The following GTF2B variants were observed in gnomAD, a reference collection of about 807,000 sequenced individuals.
GTF2B encodes general transcription factor IIB.
GTF2B carries 20 observed loss-of-function variants against 34.6 expected under a neutral mutation model. The observed-to-expected ratio is 0.58, with a 90% CI of 0.41 to 0.84. GTF2B has a LOEUF of 0.84. Among genes scored for constraint, GTF2B ranks in the 40% least tolerant of loss-of-function variants. The pLI, the probability that GTF2B is intolerant of heterozygous loss-of-function variation, is 0.00. For synonymous variants in GTF2B, 142 were observed against 132.4 expected (o/e 1.07, Z -0.50); for missense variants, 237 against 393.3 (o/e 0.60, Z 3.36).
At chr1:88,870,896 CTTTTTTTTTTTT>C (rs1022965980) in intron 2 of GTF2B, among the ~76,000 whole-genome samples, 10 of 109,198 alleles carry the variant, frequency 9.2e-5, no homozygotes, top group Non-Finnish European at 1.2e-4. Flanking sequence ...CTTACACAGT[CTTTTTTTTTTTT>C]TTTTTTTTTT....
intron 2 of GTF2B, among the ~76,000 whole-genome samples, chr1:88,873,177 A>C (rs66926292): frequency 0.11 from 16,635 of 145,820 alleles, 2,322 homozygotes; most frequent in African/African-American, 0.33. Flanking sequence ...ACAGGATTCC[A>C]TTAAGTTTTT....
intron 2 of GTF2B, among the ~76,000 whole-genome samples, chr1:88,867,956 C>T (rs943008385): frequency 1.3e-5 from 2 of 152,166 alleles, no homozygotes; most frequent in African/African-American, 4.8e-5. Context: ...TTATATTTAA[C>T]TACTCAAAAG....
chr1:88,887,558 G>T, intron 1 of GTF2B, 191 bp from the exon 2 acceptor site: 1 of 506,736 alleles, frequency 2.0e-6, no homozygotes, highest in Non-Finnish European at 3.6e-6. Context: ...TAACTGGCAA[G>T]TAGTTTCCAC....
At chr1:88,885,905 A>G (rs1445299790) in intron 2 of GTF2B, among the ~76,000 whole-genome samples, 1 of 152,192 alleles carries the variant, frequency 6.6e-6, no homozygotes, top group Non-Finnish European at 1.5e-5. Flanking sequence ...ACCCCAGATT[A>G]AAATTTTATT....
rs1673226070 is a variant in GTF2B, at chr1:88,853,028, A to C, written c.*185T>G. On this transcript the variant is annotated 3_prime_UTR_variant, in exon 7 of 7. Transcript: ENST00000370500. Reference sequence around the variant, plus strand: ...TTGCTACAAAAGAAATTTGATAAGAAATTTAAATCATTAAATATGTTTCAC... The same window carrying C: ...TTGCTACAAAAGAAATTTGATAAGACATTTAAATCATTAAATATGTTTCAC... The C allele has an allele frequency of 1.9e-6, 1 of 517,880 alleles. No individual in the cohort carries two copies. The highest frequency in any genetic ancestry group is 3.4e-6 in the Non-Finnish European group (1 of 293,044). 32.1% of individuals were successfully genotyped at this position (517,880 alleles called of 1,614,324 possible).
intron 2 of GTF2B, among the ~76,000 whole-genome samples, chr1:88,885,709 C>A (rs1674051235): frequency 6.6e-6 from 1 of 152,142 alleles, no homozygotes; most frequent in Non-Finnish European, 1.5e-5. Flanking sequence ...GAGATCACGC[C>A]ATTGCACTCC....
At chr1:88,855,317 T>C (rs566600751) in intron 6 of GTF2B, among the ~76,000 whole-genome samples, 2 of 152,106 alleles carry the variant, frequency 1.3e-5, no homozygotes, top group South Asian at 4.1e-4. Flanking sequence ...GTGAATAAAG[T>C]ATTACAAAGT....
At chr1:88,884,707 G>T (rs902872351) in intron 2 of GTF2B, among the ~76,000 whole-genome samples, 17 of 152,116 alleles carry the variant, frequency 1.1e-4, no homozygotes, top group Non-Finnish European at 2.5e-4. Context: ...TCTGACCATT[G>T]TTTTCCTGAG....
At chr1:88,865,935 G>C (rs539578019) in intron 2 of GTF2B, among the ~76,000 whole-genome samples, 1 of 152,206 alleles carries the variant, frequency 6.6e-6, no homozygotes, top group African/African-American at 2.4e-5. Flanking sequence ...TATTTGATCA[G>C]GAGGACAGCA....
At chr1:88,883,577 T>C (rs992984635) in intron 2 of GTF2B, among the ~76,000 whole-genome samples, 2 of 151,392 alleles carry the variant, frequency 1.3e-5, no homozygotes, top group Non-Finnish European at 2.9e-5. Context: ...GCCAGGGTCC[T>C]GCTTGAGCCC....
intron 2 of GTF2B, among the ~76,000 whole-genome samples, chr1:88,884,991 G>A (rs1047245632): frequency 1.3e-5 from 2 of 152,322 alleles, no homozygotes; most frequent in East Asian, 3.9e-4. Context: ...TGTTATAACT[G>A]CATCACTGCA....
chr1:88,872,455 T>TAAAAAAAAAAAAAAAAAAA (rs34668666), intron 2 of GTF2B, among the ~76,000 whole-genome samples: 1 of 74,860 alleles, frequency 1.3e-5, no homozygotes, highest in Admixed American at 2.1e-4. Context: ...TCCATCTCAA[T>TAAAAAAAAAAAAAAAAAAA]AAAAAAAAAA....
At chr1:88,862,806 C>A (rs1369525402) in intron 3 of GTF2B, among the ~76,000 whole-genome samples, 2 of 151,880 alleles carry the variant, frequency 1.3e-5, no homozygotes, top group Admixed American at 1.3e-4. Context: ...TCATGCCCAG[C>A]TACTTTTTGT....
intron 2 of GTF2B, among the ~76,000 whole-genome samples, chr1:88,879,413 T>C (rs1178652796): frequency 6.6e-6 from 1 of 151,664 alleles, no homozygotes; most frequent in East Asian, 1.9e-4. Context: ...ACCCCGTCTC[T>C]ACTAAAAATA....
At chr1:88,856,291 C>G (rs2810880) in intron 6 of GTF2B, among the ~76,000 whole-genome samples, 49 of 86,136 alleles carry the variant, frequency 5.7e-4, no homozygotes, top group Admixed American at 7.3e-4. Context: ...AAAAAAAAAA[C>G]AAAAAAAAAA....
chr1:88,876,793 T>C lies in GTF2B; in HGVS notation c.124+10468A>G, dbSNP rs561282124. Among the ~76,000 whole-genome samples the C allele has an allele frequency of 3.0e-4, 45 of 152,318 alleles. 2 individuals are homozygous for C. The South Asian group carries it at 9.3e-3, about 32-fold the overall frequency. Reference sequence around the variant, plus strand: ...AATTCTGAGATGTATCTGTCTTTCATGGGTGAGGAAAAAAGATTTTACAGA... The same window carrying C: ...AATTCTGAGATGTATCTGTCTTTCACGGGTGAGGAAAAAAGATTTTACAGA... On this transcript the variant is annotated intron_variant, in intron 2 of 6. Coordinates refer to ENST00000370500, the MANE Select transcript of GTF2B (RefSeq NM_001514.6).
chr1:88,854,717 A>G (rs1052169214), intron 6 of GTF2B, among the ~76,000 whole-genome samples: 1 of 152,154 alleles, frequency 6.6e-6, no homozygotes, highest in Non-Finnish European at 1.5e-5. Flanking sequence ...GCTGGTCTCA[A>G]ACTCCTCACC....
Position 88,857,411 on chromosome 1 carries a change from G to A in GTF2B, c.612C>T (p.Thr204=), listed in dbSNP as rs1341153205. The change falls in exon 6 of 7, where the codon ACC becomes ACT. Residue 204 remains threonine (T), a synonymous_variant. Transcript: ENST00000370500. ...CCCCAGTTGTAATCAAATCCACACT[G>A]GTTTCTAGCGCTTTCAAAATAAGTT... ...CFKLILKALE[T]SVDLITTGDF... The A allele has an allele frequency of 6.2e-7, 1 of 1,608,826 alleles. No individual in the cohort carries two copies. Among genetic ancestry groups the A allele is most frequent in the Non-Finnish European group, 8.5e-7 (1 of 1,175,202 alleles).
At chr1:88,855,600 A>C (rs1411728732) in intron 6 of GTF2B, among the ~76,000 whole-genome samples, 1 of 151,860 alleles carries the variant, frequency 6.6e-6, no homozygotes, top group Non-Finnish European at 1.5e-5. Flanking sequence ...CAATCCACTC[A>C]CCTTGGCCTC....
Sources: allele counts gnomAD v4.1 joint callset (sites outside exome capture counted in the v4.1 genomes callset), GRCh38; gene constraint gnomAD v4.1.1; transcripts MANE v1.5; gene names NCBI Gene and HGNC (gene_info 2026-07-23, HGNC 2026-07-21).